The following AKAP13 variants were observed in gnomAD, a reference collection of about 807,000 sequenced individuals.
AKAP13 encodes A-kinase anchoring protein 13.
A neutral mutation model predicts 264.5 loss-of-function variants in AKAP13; 80 were observed. The ratio of observed to expected loss-of-function variants is 0.30; its 90% confidence interval spans 0.25 to 0.36. AKAP13 has a LOEUF of 0.36. AKAP13 is among the 10% of genes least tolerant of loss of function. The pLI is 1.00. For missense variants in AKAP13, 3,712 were observed against 3,435.2 expected, an observed-to-expected ratio of 1.08 and a Z score of -2.01; for synonymous variants, 1,380 against 1,250.2, an observed-to-expected ratio of 1.10 and a Z score of -2.19.
chr15:85,581,473 T>C lies in AKAP13; in HGVS notation c.3405T>C (p.Ala1135=). The C allele has an allele frequency of 6.2e-7, 1 of 1,614,188 alleles. No individual in the cohort carries two copies. The highest frequency in any genetic ancestry group is 8.5e-7 in the Non-Finnish European group (1 of 1,180,032). ...ATGCCGTTCTAGGTTTGCCAGTGGCTCTACAGGACAAAGCTGTGACTGACC... is the reference window on the plus strand; with the variant it reads ...ATGCCGTTCTAGGTTTGCCAGTGGCCCTACAGGACAAAGCTGTGACTGACC... The part of the protein sequence containing the change: ...EKNAVLGLPV[A]LQDKAVTDPQ... The change falls in exon 7 of 37, where the codon GCT becomes GCC. Residue 1135 remains alanine (A), a synonymous_variant. Transcript: ENST00000394518.
At chr15:85,740,164 T>C in intron 33 of AKAP13, 58 bp from the exon 34 acceptor site, 1 of 1,575,090 alleles carries the variant, frequency 6.3e-7, no homozygotes. Flanking sequence ...ATTAGTGTGA[T>C]GGATTCTGAG....
At chr15:85,725,364 G>A (rs1237663923) in intron 26 of AKAP13, among the ~76,000 whole-genome samples, 1 of 151,410 alleles carries the variant, frequency 6.6e-6, no homozygotes, top group East Asian at 1.9e-4. Context: ...AAGTTAAAAT[G>A]TGTGTCTCTG....
At position 85,582,124 on chromosome 15, in the gene AKAP13, A is replaced by G; in HGVS notation, c.4039+17A>G. The G allele has an allele frequency of 6.4e-7, 1 of 1,558,308 alleles. No homozygotes were observed. The highest frequency in any genetic ancestry group is 1.2e-5 in the South Asian group (1 of 84,138). ...CAGCAGCAGGTAAGCAAAACATAAT[A>G]CAAAATTAACAGTCTGAGAAGCAGA... On this transcript the variant is annotated intron_variant, in intron 7 of 36. Coordinates refer to ENST00000394518, the MANE Select transcript of AKAP13 (RefSeq NM_007200.5).
At chr15:85,471,795 T>C (rs1005937726) in intron 1 of AKAP13, among the ~76,000 whole-genome samples, 3 of 152,272 alleles carry the variant, frequency 2.0e-5, no homozygotes, top group Admixed American at 6.5e-5. Flanking sequence ...TTTGAACTTA[T>C]ACTAGCTCTG....
intron 20 of AKAP13, chr15:85,717,086 G>T: frequency 2.1e-6 from 1 of 485,976 alleles, no homozygotes. Context: ...CTCAGAATTT[G>T]AGTCTCCAGT....
At chr15:85,721,879 G>T (rs2087310543) in intron 23 of AKAP13, 112 bp from the exon 24 acceptor site, 4 of 1,501,002 alleles carry the variant, frequency 2.7e-6, no homozygotes, top group Admixed American at 4.5e-5. Context: ...TCTTTTGGGA[G>T]AATTTATGAG....
chr15:85,740,834 A>G (rs1250835407), intron 34 of AKAP13, among the ~76,000 whole-genome samples: 1 of 141,320 alleles, frequency 7.1e-6, no homozygotes, highest in Non-Finnish European at 1.5e-5. Flanking sequence ...CCAGATTGAC[A>G]AAAACCCGTG....
At chr15:85,426,700 CT>C (rs943977846) in intron 1 of AKAP13, among the ~76,000 whole-genome samples, 6 of 152,146 alleles carry the variant, frequency 3.9e-5, no homozygotes, top group Non-Finnish European at 8.8e-5. Flanking sequence ...TACTCAGTTA[CT>C]TTGTCATTTA....
chr15:85,512,573 G>A (rs2076466543), intron 2 of AKAP13, among the ~76,000 whole-genome samples: 1 of 152,076 alleles, frequency 6.6e-6, no homozygotes, highest in African/African-American at 2.4e-5. Context: ...TACAGACTTA[G>A]GAATCCTACT....
At chr15:85,596,763 C>T (rs2079841324) in intron 8 of AKAP13, among the ~76,000 whole-genome samples, 1 of 152,122 alleles carries the variant, frequency 6.6e-6, no homozygotes, top group South Asian at 2.1e-4. Context: ...TATAGCTTCA[C>T]AGTTGGCCTT....
In AKAP13 at chr15:85,678,539, A is replaced by G. The variant is rs999854920; in HGVS notation, c.5102-3619A>G. ...AAATCCACTCTAACTTTGGGTATTCAGAAATTTTCAAAGCTGTTTCATTTC... is the reference window on the plus strand; with the variant it reads ...AAATCCACTCTAACTTTGGGTATTCGGAAATTTTCAAAGCTGTTTCATTTC... On this transcript the variant is annotated intron_variant, in intron 14 of 36. Transcript: ENST00000394518. Among the ~76,000 whole-genome samples, 5 of 152,232 alleles carry G rather than the reference A, an allele frequency of 3.3e-5. No individual in the cohort carries two copies. In the South Asian group the frequency reaches 1.0e-3, roughly 31 times the overall value.
chr15:85,591,319 C>A (rs1348451031), intron 8 of AKAP13, among the ~76,000 whole-genome samples: 1 of 152,166 alleles, frequency 6.6e-6, no homozygotes. Flanking sequence ...GCGTTTTAAA[C>A]AAGCATCCCT....
At chr15:85,733,826 C>G (rs979788862) in intron 30 of AKAP13, among the ~76,000 whole-genome samples, 1 of 149,788 alleles carries the variant, frequency 6.7e-6, no homozygotes, top group Non-Finnish European at 1.5e-5. Flanking sequence ...TAATTCTGAC[C>G]TAAGTTAGTT....
intron 30 of AKAP13, among the ~76,000 whole-genome samples, chr15:85,733,873 CTTTTTTTTT>C (rs72092500): frequency 1.2e-5 from 1 of 82,592 alleles, no homozygotes; most frequent in Non-Finnish European, 2.3e-5. Context: ...TCTTTCTTTT[CTTTTTTTTT>C]TTTTTTTTTT....
At chr15:85,633,583 A>G (rs1468530518) in intron 8 of AKAP13, among the ~76,000 whole-genome samples, 2 of 116,472 alleles carry the variant, frequency 1.7e-5, no homozygotes, top group Non-Finnish European at 3.4e-5. Context: ...TCTCTTTGTC[A>G]CCCAGGCTGG....
At chr15:85,406,578 A>G (rs918655785) in intron 1 of AKAP13, among the ~76,000 whole-genome samples, 1 of 139,276 alleles carries the variant, frequency 7.2e-6, no homozygotes, top group African/African-American at 2.7e-5. Flanking sequence ...GTGTAGATCA[A>G]TTATGGTATA....
At chr15:85,439,109 A>G (rs1230134645) in intron 1 of AKAP13, among the ~76,000 whole-genome samples, 2 of 152,096 alleles carry the variant, frequency 1.3e-5, no homozygotes, top group Non-Finnish European at 1.5e-5. Context: ...AATGAACTCA[A>G]ACAAATTTAC....
At chr15:85,467,367 G>T (rs1334568940) in intron 1 of AKAP13, among the ~76,000 whole-genome samples, 1 of 151,868 alleles carries the variant, frequency 6.6e-6, no homozygotes, top group Non-Finnish European at 1.5e-5. Flanking sequence ...CCACCTTTCC[G>T]CTTCACAGCA....
At chr15:85,695,529 C>A in intron 17 of AKAP13, among the ~76,000 whole-genome samples, 1 of 152,226 alleles carries the variant, frequency 6.6e-6, no homozygotes, top group East Asian at 1.9e-4. Context: ...CCTGTCTAAT[C>A]TGTGCTACAG....
Sources: allele counts gnomAD v4.1 joint callset (sites outside exome capture counted in the v4.1 genomes callset), GRCh38; gene constraint gnomAD v4.1.1; transcripts MANE v1.5; gene names NCBI Gene and HGNC (gene_info 2026-07-23, HGNC 2026-07-21).